The following FYTTD1 variants were observed in gnomAD, a reference collection of about 807,000 sequenced individuals.
The protein encoded by FYTTD1 is UAP56-interacting factor.
FYTTD1 carries 22 observed loss-of-function variants against 40.9 expected under a neutral mutation model. The observed-to-expected ratio is 0.54, with a 90% confidence interval of 0.38 to 0.77. The LOEUF (loss-of-function observed/expected upper bound fraction) is 0.77, where lower values mean the gene tolerates loss of function less well. FYTTD1 is among the 30% of genes least tolerant of loss of function. The pLI is 0.00. For missense variants in FYTTD1, 351 were observed against 392.2 expected (o/e 0.90, Z 0.89); for synonymous variants, 140 against 137.9 (o/e 1.01, Z -0.10).
At position 197,786,081 on chromosome 3, in the gene FYTTD1, TTTA is replaced by T. The variant is rs1278824447; in HGVS notation, c.*4175_*4177del. The T allele has an allele frequency of 6.6e-6, 1 of 151,632 alleles. No individual in the cohort carries two copies. The highest frequency in any genetic ancestry group is 1.5e-5 in the Non-Finnish European group (1 of 67,974). The allele number at this position is 151,632 out of a possible 1,614,324, so 9.4% of individuals were successfully genotyped here. On this transcript the variant is annotated 3_prime_UTR_variant, in exon 9 of 9. Coordinates refer to ENST00000241502, the MANE Select transcript of FYTTD1 (RefSeq NM_032288.7). ...TCTTTTATTTCCCTTCTCACCACAG[TTTA>T]TTTTCTTTTTTCTTTTTCTTTTTTT...
rs1431062399 is a variant in FYTTD1 at position 197,782,060 on chromosome 3, A to T, written c.*151A>T. 2.2e-6 allele frequency: 1 copy of T among 459,350 alleles called. No individual in the cohort carries two copies. Among genetic ancestry groups the T allele is most frequent in the Non-Finnish European group, 3.9e-6 (1 of 253,262 alleles). 28.5% of individuals were successfully genotyped at this position (459,350 alleles called of 1,614,324 possible). ...TTTTGAAGGTTTTTTTTTTTAAAAA[A>T]AAAAACGTATAAAATAATGCCCTGA... On this transcript the variant is annotated 3_prime_UTR_variant, in exon 9 of 9. Coordinates refer to ENST00000241502, the MANE Select transcript of FYTTD1 (RefSeq NM_032288.7).
Position 197,778,375 on chromosome 3 carries a change from T to C in FYTTD1, c.769T>C (p.Ser257Pro). 6.2e-7 allele frequency: 1 copy of C among 1,612,450 alleles called. No homozygotes were observed. Among genetic ancestry groups the C allele is most frequent in the African/African-American group, 1.3e-5 (1 of 75,034 alleles). ...ACGATTAACTCGTACTGCTGTACCT[T>C]CATTTTTAACAAAGCGGGAGCAAAG... Reference protein sequence around the residue: ...KPRLTRTAVPSFLTKREQSDV... With the variant: ...KPRLTRTAVPPFLTKREQSDV... Residue 257 changes from serine (S) to proline (P), a missense_variant, in exon 8 of 9, where the codon TCA becomes CCA. Coordinates refer to ENST00000241502, the MANE Select transcript of FYTTD1 (RefSeq NM_032288.7).
chr3:197,779,529 CTT>C (rs57263354), intron 8 of FYTTD1, among the ~76,000 whole-genome samples: 2 of 118,406 alleles, frequency 1.7e-5, no homozygotes, highest in African/African-American at 3.2e-5. Context: ...TTCCTTAGGA[CTT>C]TTTTTTTTTT....
chr3:197,764,664 G>A (rs1260427562), intron 2 of FYTTD1, among the ~76,000 whole-genome samples: 3 of 146,270 alleles, frequency 2.1e-5, no homozygotes, highest in Non-Finnish European at 4.5e-5. Flanking sequence ...AGCCGAGATC[G>A]CGCCGCTACA....
At chr3:197,755,679 G>T (rs1185855836) in intron 1 of FYTTD1, 5 of 445,848 alleles carry the variant, frequency 1.1e-5, no homozygotes, top group Non-Finnish European at 2.0e-5. Context: ...GTAGAGACGG[G>T]ATTTCACCAT....
chr3:197,763,867 C>T (rs943581441), intron 2 of FYTTD1, among the ~76,000 whole-genome samples: 1 of 152,198 alleles, frequency 6.6e-6, no homozygotes, highest in African/African-American at 2.4e-5. Context: ...TCTTGGGATT[C>T]AAGAGAAAGA....
chr3:197,749,549 G>A (rs1391168076), upstream of FYTTD1: 8 of 1,291,230 alleles, frequency 6.2e-6, no homozygotes, highest in South Asian at 2.5e-5. Context: ...GTTGCGGTGG[G>A]CGCGAAAGGC....
In FYTTD1 at chr3:197,773,580, G is replaced by C. The variant is rs955682807; in HGVS notation, c.594+81G>C. On this transcript the variant is annotated intron_variant, in intron 5 of 8. Transcript: ENST00000241502. The stretch of plus-strand genomic sequence containing the variant: ...GATCCTGAGCAGCCACCTTTAGTAA[G>C]CCTCAGTCATAGGCAGCATTGGGTT... 1.8e-5 allele frequency: 14 copies of C among 779,332 alleles called. No individual in the cohort carries two copies. In the Admixed American group the frequency reaches 2.2e-4, roughly 12 times the overall value. 48.3% of individuals were successfully genotyped at this position (779,332 alleles called of 1,614,324 possible).
rs561564127 is a variant in FYTTD1 at position 197,781,902 on chromosome 3, T to G, written c.950T>G (p.Val317Gly). Residue 317 changes from valine to glycine, a missense_variant, in exon 9 of 9, where the codon GTG becomes GGG. By Grantham distance (109) the Val-to-Gly change is moderately radical. Transcript: ENST00000241502. ...YNKGGSRFVTVG is the reference protein window; with the variant it reads ...YNKGGSRFVTGG ...AAAGGGGGAAGCCGCTTTGTCACCGTGGGATAGGTCCCATGTCAAAGGAAC... is the reference window on the plus strand; with the variant it reads ...AAAGGGGGAAGCCGCTTTGTCACCGGGGGATAGGTCCCATGTCAAAGGAAC... 6.2e-7 allele frequency: 1 copy of G among 1,601,600 alleles called. No homozygotes were observed. Among genetic ancestry groups the G allele is most frequent in the East Asian group, 2.2e-5 (1 of 44,728 alleles).
At chr3:197,771,268 T>C (rs558761194) in intron 4 of FYTTD1, among the ~76,000 whole-genome samples, 1 of 152,320 alleles carries the variant, frequency 6.6e-6, no homozygotes, top group African/African-American at 2.4e-5. Flanking sequence ...TAGATGAAGT[T>C]GATGAGGTGT....
At chr3:197,767,874 T>G (rs7615276) in intron 2 of FYTTD1, among the ~76,000 whole-genome samples, 1 of 152,186 alleles carries the variant, frequency 6.6e-6, no homozygotes, top group Non-Finnish European at 1.5e-5. Context: ...GCAATTTGAA[T>G]GGAGTAGGGT....
intron 2 of FYTTD1, among the ~76,000 whole-genome samples, chr3:197,758,487 G>C (rs1276238620): frequency 6.6e-6 from 1 of 152,218 alleles, no homozygotes; most frequent in Non-Finnish European, 1.5e-5. Context: ...GAGAAATGTT[G>C]TAAGAGAAAT....
intron 3 of FYTTD1, among the ~76,000 whole-genome samples, chr3:197,769,502 A>G (rs577179049): frequency 1.3e-5 from 2 of 152,372 alleles, no homozygotes; most frequent in African/African-American, 2.4e-5. Flanking sequence ...CAAGAACTTT[A>G]GAGAAGTCTT....
intron 3 of FYTTD1, among the ~76,000 whole-genome samples, chr3:197,769,400 T>A (rs1410586394): frequency 6.6e-6 from 1 of 152,242 alleles, no homozygotes; most frequent in South Asian, 2.1e-4. Context: ...TCAGAATTTT[T>A]AATGTGATTT....
At chr3:197,750,313 TGGAG>T (rs1728971701) in intron 1 of FYTTD1, 2 of 1,117,614 alleles carry the variant, frequency 1.8e-6, no homozygotes, top group Non-Finnish European at 2.2e-6. Context: ...GGAGGGGCTG[TGGAG>T]GCGGGGGCAG....
chr3:197,757,207 T>C (rs1277417776), intron 2 of FYTTD1, among the ~76,000 whole-genome samples: 4 of 152,236 alleles, frequency 2.6e-5, no homozygotes, highest in African/African-American at 9.6e-5. Context: ...ATTTAGTTAT[T>C]TTTGATAATC....
chr3:197,771,141 G>C (rs1281997513), intron 4 of FYTTD1, among the ~76,000 whole-genome samples: 1 of 151,920 alleles, frequency 6.6e-6, no homozygotes, highest in Non-Finnish European at 1.5e-5. Context: ...GATCACATGA[G>C]CCCAGGATTC....
In FYTTD1 at chr3:197,782,032, T is replaced by A; in HGVS notation, c.*123T>A. ...CACAAGGCTAAATAACTCTTATTTTTATTTTTGAAGGTTTTTTTTTTTAAA... is the reference window on the plus strand; with the variant it reads ...CACAAGGCTAAATAACTCTTATTTTAATTTTTGAAGGTTTTTTTTTTTAAA... On this transcript the variant is annotated 3_prime_UTR_variant, in exon 9 of 9. Coordinates refer to ENST00000241502, the MANE Select transcript of FYTTD1 (RefSeq NM_032288.7). The A allele has an allele frequency of 2.1e-6, 1 of 483,274 alleles. No individual in the cohort carries two copies. The highest frequency in any genetic ancestry group is 3.6e-6 in the Non-Finnish European group (1 of 277,390). 29.9% of individuals were successfully genotyped at this position (483,274 alleles called of 1,614,324 possible).
At position 197,781,929 on chromosome 3, in the gene FYTTD1, T is replaced by C. The variant is rs1404514109; in HGVS notation, c.*20T>C. On this transcript the variant is annotated 3_prime_UTR_variant, in exon 9 of 9. Coordinates refer to ENST00000241502, the MANE Select transcript of FYTTD1 (RefSeq NM_032288.7). ...GGATAGGTCCCATGTCAAAGGAACT[T>C]TTGAGTGATGACTCTGAGAAGTTGA... 6.8e-7 allele frequency: 1 copy of C among 1,475,626 alleles called. No individual in the cohort carries two copies. Among genetic ancestry groups the C allele is most frequent in the African/African-American group, 1.4e-5 (1 of 72,080 alleles). The allele number at this position is 1,475,626 out of a possible 1,614,324, so 91.4% of individuals were successfully genotyped here.
Sources: allele counts gnomAD v4.1 joint callset (sites outside exome capture counted in the v4.1 genomes callset), GRCh38; gene constraint gnomAD v4.1.1; transcripts MANE v1.5; gene names NCBI Gene and HGNC (gene_info 2026-07-23, HGNC 2026-07-21).